The following RAP1GAP2 variants were observed in gnomAD, a reference collection of about 807,000 sequenced individuals.
The protein encoded by RAP1GAP2 is RAP1 GTPase activating protein 2.
RAP1GAP2 carries 27 observed loss-of-function variants against 95.0 expected under a neutral mutation model. That is an observed-to-expected ratio of 0.28 (90% confidence interval 0.21 to 0.39). The LOEUF (loss-of-function observed/expected upper bound fraction) is 0.39. Ranked by LOEUF, RAP1GAP2 falls within the 10% of genes least tolerant of loss-of-function variation. The pLI is 1.00. For missense variants in RAP1GAP2, 771 were observed against 970.0 expected (o/e 0.79, Z 2.72); for synonymous variants, 373 against 380.9 (o/e 0.98, Z 0.24).
chr17:2,964,367 T>G, intron 7 of RAP1GAP2: 1 of 11,748 alleles, frequency 8.5e-5, no homozygotes, highest in East Asian at 2.5e-3. Flanking sequence ...CTGGGGGCCC[T>G]GGGGGAGAGG....
At position 2,963,483 on chromosome 17, in the gene RAP1GAP2, C is replaced by A. The variant is rs753881421; in HGVS notation, c.279+21C>A. 1.9e-6 allele frequency: 3 copies of A among 1,613,476 alleles called. No individual in the cohort carries two copies. Among genetic ancestry groups the A allele is most frequent in the South Asian group, 1.1e-5 (1 of 91,080 alleles). Reference sequence around the variant, plus strand: ...ACGAGGTAGGTGCCCTCCCCTCACTCCCACCTGCCCTGCAGCCTGCTCTGG... The same window carrying A: ...ACGAGGTAGGTGCCCTCCCCTCACTACCACCTGCCCTGCAGCCTGCTCTGG... On this transcript the variant is annotated intron_variant, in intron 6 of 24. Coordinates refer to ENST00000254695, the MANE Select transcript of RAP1GAP2 (RefSeq NM_015085.5). The surrounding 1 kb of genome is among the most constrained non-coding windows in gnomAD (Gnocchi z 4.8).
At position 2,866,639 on chromosome 17, in the gene RAP1GAP2, C is replaced by T. The variant is rs1352369493; in HGVS notation, c.81-38645C>T. ...TTTTTGAGGCAGCATCTCCCTCTGTCGCCAGGCTGGAGTGCAGTGGTGCGA... is the reference window on the plus strand; with the variant it reads ...TTTTTGAGGCAGCATCTCCCTCTGTTGCCAGGCTGGAGTGCAGTGGTGCGA... On this transcript the variant is annotated intron_variant, in intron 2 of 24. Transcript: ENST00000254695. The surrounding 1 kb of genome is among the most constrained non-coding windows in gnomAD (Gnocchi z 4.0). Among the ~76,000 whole-genome samples the T allele has an allele frequency of 3.9e-5, 6 of 152,026 alleles. No individual in the cohort carries two copies. Among genetic ancestry groups the T allele is most frequent in the East Asian group, 3.9e-4 (2 of 5,174 alleles).
At chr17:2,873,147 T>C in intron 2 of RAP1GAP2, among the ~76,000 whole-genome samples, 1 of 150,178 alleles carries the variant, frequency 6.7e-6, no homozygotes, top group Non-Finnish European at 1.5e-5. Flanking sequence ...TGTGTTGTGT[T>C]GGCTTGTATT....
At position 3,018,204 on chromosome 17, in the gene RAP1GAP2, T is replaced by C; in HGVS notation, c.1632+6T>C. The C allele has an allele frequency of 6.4e-7, 1 of 1,557,554 alleles. No homozygotes were observed. Among genetic ancestry groups the C allele is most frequent in the South Asian group, 1.2e-5 (1 of 84,846 alleles). ...TCACCAAGACCACCTTCTCGGTGAG[T>C]GCTGGCAGGCCCCGGGGCGGCAAGT... On this transcript the variant is annotated splice_donor_region_variant and intron_variant, in intron 18 of 24. Coordinates refer to ENST00000254695, the MANE Select transcript of RAP1GAP2 (RefSeq NM_015085.5).
chr17:2,854,679 C>T lies in RAP1GAP2; in HGVS notation c.81-50605C>T, dbSNP rs917370920. On this transcript the variant is annotated intron_variant, in intron 2 of 24. Transcript: ENST00000254695. ...GGATATTGAAAATAGTTTTCTTTAG[C>T]TATTTCAGAGACATTTTGGACGACC... Among the ~76,000 whole-genome samples the T allele has an allele frequency of 5.3e-5, 8 of 152,334 alleles. 1 individual carries two copies. Among genetic ancestry groups the T allele is most frequent in the African/African-American group, 1.4e-4 (6 of 41,568 alleles).
At chr17:2,832,544 C>A (rs1489055892) in intron 2 of RAP1GAP2, among the ~76,000 whole-genome samples, 1 of 129,006 alleles carries the variant, frequency 7.8e-6, no homozygotes, top group Non-Finnish European at 1.6e-5. Context: ...GGCGACAGAG[C>A]GAGACTCCAT....
intron 2 of RAP1GAP2, among the ~76,000 whole-genome samples, chr17:2,894,023 C>T (rs1351966622): frequency 6.6e-6 from 1 of 152,242 alleles, no homozygotes; most frequent in Non-Finnish European, 1.5e-5. Context: ...TGTCTGTGAT[C>T]CCAGCACTTT....
At chr17:2,819,390 A>C (rs2070181769) in intron 2 of RAP1GAP2, among the ~76,000 whole-genome samples, 1 of 149,198 alleles carries the variant, frequency 6.7e-6, no homozygotes, top group South Asian at 2.1e-4. Flanking sequence ...ATCTTGGCTG[A>C]CTGCAACCTC....
intron 17 of RAP1GAP2, among the ~76,000 whole-genome samples, chr17:3,009,278 C>A (rs2046434349): frequency 6.6e-6 from 1 of 152,208 alleles, no homozygotes; most frequent in Non-Finnish European, 1.5e-5. Flanking sequence ...AAAATGTCAG[C>A]TGTTATTACA....
At chr17:3,020,373 G>A (rs1253492943) in intron 18 of RAP1GAP2, 104 bp from the exon 19 acceptor site, 3 of 860,458 alleles carry the variant, frequency 3.5e-6, no homozygotes, top group Non-Finnish European at 5.7e-6. Context: ...ATTTTCTGGG[G>A]TCTCTTCCAG....
intron 2 of RAP1GAP2, among the ~76,000 whole-genome samples, chr17:2,898,459 C>T (rs1003151737): frequency 1.3e-5 from 2 of 152,236 alleles, no homozygotes; most frequent in Non-Finnish European, 2.9e-5. Context: ...GCCCTTTCTC[C>T]CTTCCACACT....
intron 2 of RAP1GAP2, among the ~76,000 whole-genome samples, chr17:2,875,151 C>G (rs530841930): frequency 1.3e-5 from 2 of 152,330 alleles, no homozygotes; most frequent in African/African-American, 4.8e-5. Context: ...ACTGCAACCC[C>G]TGCCTCCCGG....
At chr17:2,865,743 G>T (rs1297053760) in intron 2 of RAP1GAP2, among the ~76,000 whole-genome samples, 1 of 152,186 alleles carries the variant, frequency 6.6e-6, no homozygotes, top group Non-Finnish European at 1.5e-5. Context: ...CATGGAGGCA[G>T]GACTCAGCCG....
At chr17:2,859,477 C>T (rs1452900896) in intron 2 of RAP1GAP2, among the ~76,000 whole-genome samples, 2 of 151,994 alleles carry the variant, frequency 1.3e-5, no homozygotes, top group Non-Finnish European at 2.9e-5. Context: ...ACTCTGCCAC[C>T]CAGGGTGGAG....
chr17:2,832,605 C>T (rs1466682937), intron 2 of RAP1GAP2, among the ~76,000 whole-genome samples: 1 of 149,620 alleles, frequency 6.7e-6, no homozygotes, highest in East Asian at 2.0e-4. Flanking sequence ...CCAGCAGTGA[C>T]ATTCCCTTTC....
In RAP1GAP2 at chr17:2,981,256, C is replaced by T. The variant is rs952329234; in HGVS notation, c.729+8C>T. On this transcript the variant is annotated splice_region_variant and intron_variant, in intron 10 of 24. Transcript: ENST00000254695. ...CCTGTCCTGTACCCCAAGGTAAGGACCTTCATGCTCCCAACATAGGGGCCC... is the reference window on the plus strand; with the variant it reads ...CCTGTCCTGTACCCCAAGGTAAGGATCTTCATGCTCCCAACATAGGGGCCC... 4.4e-6 allele frequency: 7 copies of T among 1,604,488 alleles called. No homozygotes were observed. The African/African-American group carries it at 6.7e-5, about 15-fold the overall frequency.
At position 3,025,450 on chromosome 17, in the gene RAP1GAP2, T is replaced by C. The variant is rs185988047; in HGVS notation, c.1752-558T>C. 2.7e-3 allele frequency among the ~76,000 whole-genome samples: 411 copies of C among 152,308 alleles called. 3 individuals are homozygous for C. Among genetic ancestry groups the C allele is most frequent in the African/African-American group, 9.5e-3 (396 of 41,576 alleles). ...CAGGGAGCACTGTGGGCACTGTCCA[T>C]GGTCTTTGTTACACTAAAGGAGAAG... is the stretch of plus-strand genomic sequence containing the variant. On this transcript the variant is annotated intron_variant, in intron 19 of 24. Coordinates refer to ENST00000254695, the MANE Select transcript of RAP1GAP2 (RefSeq NM_015085.5).
Position 2,965,859 on chromosome 17 carries a change from G to A in RAP1GAP2, c.596+216G>A, listed in dbSNP as rs941221848. On this transcript the variant is annotated intron_variant, in intron 8 of 24. Coordinates refer to ENST00000254695, the MANE Select transcript of RAP1GAP2 (RefSeq NM_015085.5). The surrounding 1 kb of genome is among the most constrained non-coding windows in gnomAD (Gnocchi z 4.7). Reference sequence around the variant, plus strand: ...CACCAGTTAGCTGACAGTCAGAGGGGCATCCAGGTCTCAAGGTCACCCAGA... The same window carrying A: ...CACCAGTTAGCTGACAGTCAGAGGGACATCCAGGTCTCAAGGTCACCCAGA... 25 of 564,606 alleles carry A rather than the reference G, an allele frequency of 4.4e-5. No homozygotes were observed. Among genetic ancestry groups the A allele is most frequent in the Non-Finnish European group, 7.6e-5 (24 of 315,844 alleles). The allele number at this position is 564,606 out of a possible 1,614,324, so 35.0% of individuals were successfully genotyped here.
chr17:3,018,108 C>G lies in RAP1GAP2; in HGVS notation c.1542C>G (p.Gly514=). The G allele has an allele frequency of 6.3e-7, 1 of 1,591,246 alleles. No individual in the cohort carries two copies. The highest frequency in any genetic ancestry group is 8.6e-7 in the Non-Finnish European group (1 of 1,169,306). Reference sequence around the variant, plus strand: ...ACTCCATGGAGACCATGGTGGGCGGCCAGAAGAAGTCGCACAGTGGGGGCA... The same window carrying G: ...ACTCCATGGAGACCATGGTGGGCGGGCAGAAGAAGTCGCACAGTGGGGGCA... ...RSHSMETMVG[G]QKKSHSGGIP... The change falls in exon 18 of 25, where the codon GGC becomes GGG. Residue 514 remains glycine, a synonymous_variant. Transcript: ENST00000254695.
Sources: allele counts gnomAD v4.1 joint callset (sites outside exome capture counted in the v4.1 genomes callset), GRCh38; gene constraint gnomAD v4.1.1; non-coding constraint Gnocchi (gnomAD v3.1); transcripts MANE v1.5; gene names NCBI Gene and HGNC (gene_info 2026-07-23, HGNC 2026-07-21).